The following ZNF253 variants were observed in gnomAD, a reference collection of about 807,000 sequenced individuals.
ZNF253 encodes DNA-binding protein.
ZNF253 carries 8 observed loss-of-function variants against 11.9 expected under a neutral mutation model. That is an observed-to-expected ratio of 0.67 (90% CI 0.40 to 1.22). ZNF253 has a LOEUF of 1.22. ZNF253 is among the 50% of genes most tolerant of loss of function. The pLI is 0.01. For missense variants in ZNF253, 485 were observed against 586.9 expected, an observed-to-expected ratio of 0.83 and a Z score of 1.79; for synonymous variants, 194 against 194.9, an observed-to-expected ratio of 1.00 and a Z score of 0.04.
At chr19:19,885,637 C>T (rs886074054) in intron 3 of ZNF253, among the ~76,000 whole-genome samples, 64 of 151,926 alleles carry the variant, frequency 4.2e-4, no homozygotes, top group African/African-American at 1.4e-3. Context: ...ATGATCCGTC[C>T]GCCTCGGCCT....
intron 3 of ZNF253, among the ~76,000 whole-genome samples, chr19:19,883,177 C>T (rs933504030): frequency 6.6e-6 from 1 of 151,980 alleles, no homozygotes; most frequent in African/African-American, 2.4e-5. Context: ...ATATATATTT[C>T]CTTTTGTGAG....
chr19:19,884,240 A>G (rs1183048978), intron 3 of ZNF253, among the ~76,000 whole-genome samples: 1 of 152,322 alleles, frequency 6.6e-6, no homozygotes. Context: ...TGATATGTTT[A>G]TAAATCAAGG....
At chr19:19,882,699 G>A (rs2063182840) in intron 3 of ZNF253, among the ~76,000 whole-genome samples, 1 of 152,084 alleles carries the variant, frequency 6.6e-6, no homozygotes, top group African/African-American at 2.4e-5. Flanking sequence ...ATTGCTGGAT[G>A]CGGTGGCTCA....
At chr19:19,878,242 C>G (rs530237782) in intron 1 of ZNF253, among the ~76,000 whole-genome samples, 2 of 152,054 alleles carry the variant, frequency 1.3e-5, no homozygotes, top group East Asian at 1.9e-4. Flanking sequence ...TAATTTTATG[C>G]TCTATTATCT....
chr19:19,892,150 A>G lies in ZNF253; in HGVS notation c.903A>G (p.Thr301=), dbSNP rs567655735. 5 of 1,613,984 alleles carry G rather than the reference A, an allele frequency of 3.1e-6. No homozygotes were observed. In the East Asian group the frequency reaches 8.9e-5, roughly 29 times the overall value. Residue 301 remains threonine (T), a synonymous_variant, in exon 4 of 4, where the codon ACA becomes ACG. Coordinates refer to ENST00000589717, the MANE Select transcript of ZNF253 (RefSeq NM_021047.3). ...KAFKHPSHVT[T]HKKIHTRGKP... is the part of the protein sequence containing the mutation. ...TTAAGCACCCCTCACACGTTACCAC[A>G]CATAAGAAAATTCATACTAGAGGGA...
intron 3 of ZNF253, among the ~76,000 whole-genome samples, chr19:19,887,809 G>T: frequency 7.6e-6 from 1 of 132,420 alleles, no homozygotes; most frequent in Non-Finnish European, 1.5e-5. Flanking sequence ...GTCTCACTCT[G>T]CCACTCAGAC....
chr19:19,878,069 G>A (rs1450958976), intron 1 of ZNF253, among the ~76,000 whole-genome samples: 6 of 142,472 alleles, frequency 4.2e-5, no homozygotes, highest in Admixed American at 2.9e-4. Context: ...CAGATCTTCC[G>A]GAATAAAAAA....
intron 2 of ZNF253, among the ~76,000 whole-genome samples, chr19:19,879,741 T>C (rs1180552241): frequency 1.3e-5 from 2 of 152,192 alleles, no homozygotes; most frequent in Non-Finnish European, 2.9e-5. Flanking sequence ...AATAACAGCA[T>C]AAAGTAATCT....
Position 19,892,988 on chromosome 19 carries a change from T to A in ZNF253, c.*241T>A. Reference sequence around the variant, plus strand: ...ACCTATAACAAGTTCTCAATTCCTTTTTTTTTGAGATGGAGTTTCACTCTT... The same window carrying A: ...ACCTATAACAAGTTCTCAATTCCTTATTTTTTGAGATGGAGTTTCACTCTT... On this transcript the variant is annotated 3_prime_UTR_variant, in exon 4 of 4. Coordinates refer to ENST00000589717, the MANE Select transcript of ZNF253 (RefSeq NM_021047.3). 2.2e-6 allele frequency: 1 copy of A among 452,940 alleles called. No individual in the cohort carries two copies. The highest frequency in any genetic ancestry group is 3.9e-6 in the Non-Finnish European group (1 of 259,112). The allele number at this position is 452,940 out of a possible 1,614,324, so 28.1% of individuals were successfully genotyped here.
chr19:19,880,656 G>T (rs956249223), intron 3 of ZNF253, among the ~76,000 whole-genome samples: 1 of 150,836 alleles, frequency 6.6e-6, no homozygotes, highest in Non-Finnish European at 1.5e-5. Flanking sequence ...AGTGAGCCGA[G>T]ATCATGCCAT....
intron 3 of ZNF253, among the ~76,000 whole-genome samples, chr19:19,882,204 A>AAAG (rs913271737): frequency 6.6e-6 from 1 of 151,950 alleles, no homozygotes; most frequent in Non-Finnish European, 1.5e-5. Context: ...AAAAAAAAAA[A>AAAG]AAGAAGAAGA....
At position 19,876,393 on chromosome 19, in the gene ZNF253, T is replaced by A. The variant is rs894229836; in HGVS notation, c.4-2088T>A. Among the ~76,000 whole-genome samples the A allele has an allele frequency of 2.6e-5, 4 of 152,096 alleles. No individual in the cohort carries two copies. The East Asian group carries it at 7.7e-4, about 29-fold the overall frequency. On this transcript the variant is annotated intron_variant, in intron 1 of 3. Coordinates refer to ENST00000589717, the MANE Select transcript of ZNF253 (RefSeq NM_021047.3). ...CAGGGCCTGTTCTGTTTGGGTTTGG[T>A]AGGGATAGGTCAGTGTGGCACATAT...
intron 2 of ZNF253, among the ~76,000 whole-genome samples, chr19:19,879,819 A>G (rs2063170006): frequency 6.6e-6 from 1 of 152,314 alleles, no homozygotes; most frequent in East Asian, 1.9e-4. Context: ...TTGTTGCCCC[A>G]CCTGAAAATC....
chr19:19,865,860 C>T, upstream of ZNF253: 3 of 1,172,970 alleles, frequency 2.6e-6, no homozygotes, highest in Admixed American at 1.7e-5. Context: ...GCCTTTGTTT[C>T]TCGCTGCAGC....
chr19:19,870,414 T>A (rs2063129386), intron 1 of ZNF253, among the ~76,000 whole-genome samples: 1 of 150,778 alleles, frequency 6.6e-6, no homozygotes. Context: ...AAAAGCTACA[T>A]ATATTATGAC....
At chr19:19,890,106 A>G (rs77755360) in intron 3 of ZNF253, among the ~76,000 whole-genome samples, 1,622 of 152,310 alleles carry the variant, frequency 0.011, 15 homozygotes, top group Non-Finnish European at 0.013. Flanking sequence ...GCCAATCTTT[A>G]TAATATAGTT....
chr19:19,880,734 G>T (rs1048162885), intron 3 of ZNF253, among the ~76,000 whole-genome samples: 1 of 150,026 alleles, frequency 6.7e-6, no homozygotes, highest in African/African-American at 2.4e-5. Context: ...AGAATGAGAG[G>T]CTGCACAGTC....
rs1486105055 is a variant in ZNF253 at position 19,892,535 on chromosome 19, G to A, written c.1288G>A (p.Gly430Ser). The change falls in exon 4 of 4, where the codon GGC becomes AGC. Residue 430 changes from glycine (G) to serine (S), a missense_variant. By Grantham distance (56) the Gly-to-Ser change is moderately conservative. Transcript: ENST00000589717. ...GEKPYKCEEC[G>S]KSFTASSTLT... The stretch of plus-strand genomic sequence containing the variant: ...GAAACCCTACAAATGTGAAGAATGT[G>A]GCAAATCCTTTACTGCATCCTCAAC... 2 of 1,613,694 alleles carry A rather than the reference G, an allele frequency of 1.2e-6. No individual in the cohort carries two copies. Among genetic ancestry groups the A allele is most frequent in the African/African-American group, 2.7e-5 (2 of 74,838 alleles).
At chr19:19,889,505 T>C (rs2063220198) in intron 3 of ZNF253, among the ~76,000 whole-genome samples, 1 of 151,944 alleles carries the variant, frequency 6.6e-6, no homozygotes. Flanking sequence ...GCTGCCACAT[T>C]TGGCTGATTT....
Sources: allele counts gnomAD v4.1 joint callset (sites outside exome capture counted in the v4.1 genomes callset), GRCh38; gene constraint gnomAD v4.1.1; transcripts MANE v1.5; gene names NCBI Gene and HGNC (gene_info 2026-07-23, HGNC 2026-07-21).